PHACTR3: variants seen among roughly 807,000 people sequenced by gnomAD.
PHACTR3 encodes the protein protein phosphatase 1, regulatory subunit 123.
PHACTR3 carries 16 observed loss-of-function variants against 66.8 expected under a neutral mutation model. The ratio of observed to expected loss-of-function variants is 0.24; its 90% CI spans 0.16 to 0.36. The LOEUF is 0.36. Among genes scored for constraint, PHACTR3 ranks in the 10% least tolerant of loss-of-function variants. PHACTR3 has a pLI of 1.00. For missense variants in PHACTR3, 647 were observed against 719.9 expected (o/e 0.90, Z 1.16); for synonymous variants, 323 against 292.1 (o/e 1.11, Z -1.08).
intron 7 of PHACTR3, 66 bp downstream of exon 7, chr20:59,774,556 G>T: frequency 6.4e-7 from 1 of 1,561,064 alleles, no homozygotes; most frequent in Non-Finnish European, 8.6e-7. Context: ...CCAGGGGGTC[G>T]AGGACAGAGC....
chr20:59,762,575 C>T (rs1299318475), intron 4 of PHACTR3, among the ~76,000 whole-genome samples: 1 of 152,226 alleles, frequency 6.6e-6, no homozygotes. Flanking sequence ...GGTGGCTGCA[C>T]ATCTACTTTG....
chr20:59,755,179 T>C lies in PHACTR3; in HGVS notation c.359-3T>C, dbSNP rs2039739607. 6.2e-7 allele frequency: 1 copy of C among 1,611,374 alleles called. No homozygotes were observed. Among genetic ancestry groups the C allele is most frequent in the Non-Finnish European group, 8.5e-7 (1 of 1,179,684 alleles). On this transcript the variant is annotated splice_region_variant and splice_polypyrimidine_tract_variant and intron_variant, in intron 3 of 12. Transcript: ENST00000371015. ...CCCAGCTGACAGCTACATTTCCTTG[T>C]AGATGCTGAAAGCAAAACTTGCAAC...
upstream of PHACTR3, chr20:59,603,748 G>A (rs116310407): frequency 0.031 from 4,727 of 152,596 alleles, 274 homozygotes; most frequent in African/African-American, 0.11. Context: ...CCTGGTGTCT[G>A]TTGAAATGCC....
chr20:59,827,604 C>T (rs539886316), intron 8 of PHACTR3, among the ~76,000 whole-genome samples: 1 of 152,122 alleles, frequency 6.6e-6, no homozygotes, highest in Non-Finnish European at 1.5e-5. Context: ...ACTGGCTGCA[C>T]CCAGGAGGTG....
At chr20:59,581,983 A>G (rs528619174) in intron 1 of PHACTR3, among the ~76,000 whole-genome samples, 1 of 152,204 alleles carries the variant, frequency 6.6e-6, no homozygotes, top group African/African-American at 2.4e-5. Flanking sequence ...GTTTTTCTGG[A>G]AAAAAAATTA....
intron 4 of PHACTR3, among the ~76,000 whole-genome samples, chr20:59,765,921 A>G (rs955324209): frequency 4.6e-5 from 7 of 152,204 alleles, no homozygotes; most frequent in African/African-American, 1.7e-4. Context: ...GTAGTTGTAA[A>G]AACTGAATAA....
At chr20:59,596,019 C>T (rs1031105457) in intron 1 of PHACTR3, among the ~76,000 whole-genome samples, 8 of 152,204 alleles carry the variant, frequency 5.3e-5, no homozygotes, top group African/African-American at 1.7e-4. Context: ...GTTCAAGAAG[C>T]AGAATATAAC....
intron 1 of PHACTR3, among the ~76,000 whole-genome samples, chr20:59,675,796 T>C (rs140718514): frequency 6.6e-6 from 1 of 152,294 alleles, no homozygotes; most frequent in African/African-American, 2.4e-5. Flanking sequence ...TCACCAGTGC[T>C]GAGGCTGAGA....
intron 1 of PHACTR3, among the ~76,000 whole-genome samples, chr20:59,694,917 G>A (rs2146591896): frequency 6.6e-6 from 1 of 152,268 alleles, no homozygotes; most frequent in East Asian, 1.9e-4. Flanking sequence ...ATGCCATTCA[G>A]TGCTTCTTCT....
intron 1 of PHACTR3, among the ~76,000 whole-genome samples, chr20:59,737,558 CTG>C (rs541621798): frequency 1.3e-5 from 2 of 151,788 alleles, no homozygotes; most frequent in African/African-American, 4.8e-5. Context: ...GTGTGTGTCT[CTG>C]TGTGCATGTG....
chr20:59,643,193 G>C (rs6064823), intron 1 of PHACTR3, among the ~76,000 whole-genome samples: 16,757 of 152,278 alleles, frequency 0.11, 1,082 homozygotes, highest in East Asian at 0.24. Flanking sequence ...TTACAGGCGT[G>C]AGCCACTGCG....
chr20:59,678,210 A>G (rs1263241252), intron 1 of PHACTR3, among the ~76,000 whole-genome samples: 1 of 152,132 alleles, frequency 6.6e-6, no homozygotes, highest in Non-Finnish European at 1.5e-5. Context: ...TTGAGCCCTG[A>G]GTCTATATTA....
chr20:59,687,332 A>C (rs1039784375), intron 1 of PHACTR3, among the ~76,000 whole-genome samples: 1 of 152,038 alleles, frequency 6.6e-6, no homozygotes, highest in Non-Finnish European at 1.5e-5. Context: ...TGATGGTGGT[A>C]ATGAGGGTGA....
intron 4 of PHACTR3, among the ~76,000 whole-genome samples, chr20:59,763,826 G>A (rs942120494): frequency 1.2e-4 from 19 of 152,330 alleles, no homozygotes; most frequent in Non-Finnish European, 8.8e-5. Flanking sequence ...AGGAGAGTAT[G>A]TGTCGGGAAG....
chr20:59,765,330 A>G (rs978821730), intron 4 of PHACTR3, among the ~76,000 whole-genome samples: 12 of 152,220 alleles, frequency 7.9e-5, no homozygotes, highest in African/African-American at 2.9e-4. Flanking sequence ...AAATGAAAAC[A>G]GCATTTTCAT....
rs1179936544 is a variant in PHACTR3 at position 59,738,198 on chromosome 20, C to T, written c.119-4909C>T. Among the ~76,000 whole-genome samples, 1 of 152,084 alleles carries T rather than the reference C, an allele frequency of 6.6e-6. No homozygotes were observed. Among genetic ancestry groups the T allele is most frequent in the Non-Finnish European group, 1.5e-5 (1 of 68,000 alleles). On this transcript the variant is annotated intron_variant, in intron 1 of 12. Coordinates refer to ENST00000371015, the MANE Select transcript of PHACTR3 (RefSeq NM_080672.5). This position sits in a 1 kb window ranked among gnomAD's most constrained non-coding sequence, Gnocchi z 4.4. ...GGATGCAGGGAGTCAATGCTTCAAC[C>T]TCCTGTTAGTAAGTGGCAGGGCCAG...
At chr20:59,728,853 G>A (rs1439873199) in intron 1 of PHACTR3, among the ~76,000 whole-genome samples, 2 of 150,086 alleles carry the variant, frequency 1.3e-5, no homozygotes, top group East Asian at 4.0e-4. Context: ...TGGAGGGAGT[G>A]TGTGCCATGC....
chr20:59,767,461 A>G, intron 5 of PHACTR3, 66 bp downstream of exon 5: 1 of 1,478,296 alleles, frequency 6.8e-7, no homozygotes, highest in Non-Finnish European at 9.3e-7. Flanking sequence ...TCTATCCTAC[A>G]TTCATCCACC....
chr20:59,618,518 A>G (rs2034116025), intron 1 of PHACTR3, among the ~76,000 whole-genome samples: 1 of 152,176 alleles, frequency 6.6e-6, no homozygotes, highest in African/African-American at 2.4e-5. Flanking sequence ...GCTCATTCAG[A>G]AAAGGGGCTG....
Sources: allele counts gnomAD v4.1 joint callset (sites outside exome capture counted in the v4.1 genomes callset), GRCh38; gene constraint gnomAD v4.1.1; non-coding constraint Gnocchi (gnomAD v3.1); transcripts MANE v1.5; gene names NCBI Gene and HGNC (gene_info 2026-07-23, HGNC 2026-07-21).